PTK2B: variants seen among roughly 807,000 people sequenced by gnomAD.
PTK2B encodes the protein protein-tyrosine kinase 2-beta.
In PTK2B, 71 loss-of-function variants were observed where a neutral mutation model predicts 142.9. The observed-to-expected ratio is 0.50, with a 90% CI of 0.41 to 0.61. The LOEUF (loss-of-function observed/expected upper bound fraction) is 0.61, where lower values mean the gene tolerates loss of function less well. Among genes scored for constraint, PTK2B ranks in the 20% least tolerant of loss-of-function variants. The probability of loss-of-function intolerance (pLI) is 0.00; values close to 1 mark genes in which losing one functional copy is unlikely to be tolerated. For synonymous variants in PTK2B, 519 were observed against 503.4 expected (o/e 1.03, Z -0.42); for missense variants, 1,105 against 1,320.4 (o/e 0.84, Z 2.53).
At chr8:27,365,248 C>T (rs1805951118) in intron 1 of PTK2B, among the ~76,000 whole-genome samples, 1 of 152,248 alleles carries the variant, frequency 6.6e-6, no homozygotes, top group Admixed American at 6.5e-5. Context: ...GTCTCCCCAA[C>T]TTGGCTGTAA....
chr8:27,419,183 C>T (rs1285176132), intron 2 of PTK2B, among the ~76,000 whole-genome samples: 1 of 152,222 alleles, frequency 6.6e-6, no homozygotes, highest in Non-Finnish European at 1.5e-5. Flanking sequence ...AGTCTATTAA[C>T]CTCCGGTTAA....
intron 1 of PTK2B, among the ~76,000 whole-genome samples, chr8:27,369,436 G>A (rs377627520): frequency 3.3e-5 from 5 of 152,102 alleles, no homozygotes; most frequent in South Asian, 2.1e-4. Context: ...TTGGGAGGCC[G>A]AGGAGGGTGG....
chr8:27,339,180 T>C (rs1586109910), intron 1 of PTK2B, among the ~76,000 whole-genome samples: 1 of 152,196 alleles, frequency 6.6e-6, no homozygotes, highest in East Asian at 1.9e-4. Context: ...CATCAAGTGA[T>C]GTGATTGCAG....
chr8:27,373,818 C>G (rs1014367634), intron 1 of PTK2B, among the ~76,000 whole-genome samples: 1 of 151,836 alleles, frequency 6.6e-6, no homozygotes, highest in Non-Finnish European at 1.5e-5. Context: ...AGGAGAGGCC[C>G]TGAGAGAAGA....
Position 27,433,543 on chromosome 8 carries a change from C to A in PTK2B, c.1096C>A (p.Pro366Thr). 1 of 1,613,440 alleles carries A rather than the reference C, an allele frequency of 6.2e-7. No individual in the cohort carries two copies. Among genetic ancestry groups the A allele is most frequent in the Non-Finnish European group, 8.5e-7 (1 of 1,179,366 alleles). The change falls in exon 11 of 31, where the codon CCT becomes ACT. Residue 366 changes from proline to threonine, a missense_variant. Coordinates refer to ENST00000346049, the MANE Select transcript of PTK2B (RefSeq NM_173176.3). ...GEHQGSLIIH[P>T]RKDGEKRNSL... ...GCACCAAGGCTCTCTCATCATCCAT[C>A]CTAGGAAAGGTGGGTTCCATTTAAA...
At chr8:27,433,970 A>C in intron 11 of PTK2B, 123 bp from the exon 12 acceptor site, 1 of 1,305,170 alleles carries the variant, frequency 7.7e-7, no homozygotes, top group Non-Finnish European at 1.1e-6. Flanking sequence ...CCAGGCTAGG[A>C]GAGAATGGAA....
At chr8:27,326,203 G>A (rs1023616940) in intron 1 of PTK2B, among the ~76,000 whole-genome samples, 8 of 149,942 alleles carry the variant, frequency 5.3e-5, no homozygotes, top group African/African-American at 9.9e-5. Flanking sequence ...AGGGTGTTCT[G>A]GGGCACAGGG....
At chr8:27,423,302 G>GTTTCACCATCCCCTGCCT (rs1809875702) in intron 5 of PTK2B, among the ~76,000 whole-genome samples, 1 of 152,138 alleles carries the variant, frequency 6.6e-6, no homozygotes, top group African/African-American at 2.4e-5. Context: ...GCACCATTGA[G>GTTTCACCATCCCCTGCCT]TTTCACCATC....
chr8:27,379,350 C>G (rs941943301), intron 1 of PTK2B, among the ~76,000 whole-genome samples: 1 of 152,208 alleles, frequency 6.6e-6, no homozygotes. Flanking sequence ...CCTCACCCAC[C>G]TGGGTAGCTG....
chr8:27,349,306 T>C (rs1586134686), intron 1 of PTK2B, among the ~76,000 whole-genome samples: 1 of 152,236 alleles, frequency 6.6e-6, no homozygotes, highest in African/African-American at 2.4e-5. Flanking sequence ...CTTTAAGTCT[T>C]AATTTTCTAG....
At chr8:27,421,678 C>T (rs903034826) in intron 4 of PTK2B, among the ~76,000 whole-genome samples, 1 of 152,200 alleles carries the variant, frequency 6.6e-6, no homozygotes. Context: ...GTAAATACCA[C>T]CCCCCTCCTC....
At chr8:27,350,689 G>A (rs1586137433) in intron 1 of PTK2B, among the ~76,000 whole-genome samples, 2 of 151,846 alleles carry the variant, frequency 1.3e-5, no homozygotes, top group Admixed American at 6.6e-5. Context: ...AAAAGTATAG[G>A]TATTTGGGGC....
intron 2 of PTK2B, among the ~76,000 whole-genome samples, chr8:27,414,836 C>T (rs1391199930): frequency 4.6e-5 from 7 of 152,088 alleles, no homozygotes. Flanking sequence ...GTTCTTTGCT[C>T]ACTCCCTGTT....
upstream of PTK2B, among the ~76,000 whole-genome samples, chr8:27,320,903 G>T (rs1803196253): frequency 1.4e-5 from 2 of 144,686 alleles, no homozygotes; most frequent in Non-Finnish European, 3.0e-5. Context: ...TTTTTCTGAT[G>T]ACCAGCCCTC....
intron 2 of PTK2B, among the ~76,000 whole-genome samples, chr8:27,411,875 A>G (rs2131662804): frequency 6.6e-6 from 1 of 152,288 alleles, no homozygotes; most frequent in East Asian, 1.9e-4. Flanking sequence ...CTTCTGACCA[A>G]TTGGCTACAA....
chr8:27,416,064 C>T (rs1281972428), intron 2 of PTK2B, among the ~76,000 whole-genome samples: 1 of 151,980 alleles, frequency 6.6e-6, no homozygotes, highest in Non-Finnish European at 1.5e-5. Flanking sequence ...ATAGCATGAC[C>T]CAAACTCTAT....
rs183389486 is a variant in PTK2B, at chr8:27,403,329, A to G, written c.204+5541A>G. The stretch of plus-strand genomic sequence containing the variant: ...CCCTGAACAGTCCACATGGCAACAC[A>G]TTTCCAAAACATAGTTACTCCATGC... On this transcript the variant is annotated intron_variant, in intron 2 of 30. Coordinates refer to ENST00000346049, the MANE Select transcript of PTK2B (RefSeq NM_173176.3). Among the ~76,000 whole-genome samples, 1,046 of 152,170 alleles carry G rather than the reference A, an allele frequency of 6.9e-3. 14 individuals are homozygous for G. Among genetic ancestry groups the G allele is most frequent in the African/African-American group, 0.024 (1,004 of 41,476 alleles).
chr8:27,362,633 C>T (rs1357410061), intron 1 of PTK2B, among the ~76,000 whole-genome samples: 1 of 151,700 alleles, frequency 6.6e-6, no homozygotes, highest in African/African-American at 2.4e-5. Flanking sequence ...TTCTTTCCCC[C>T]CACCAAGACT....
At chr8:27,354,548 G>C (rs113405663) in intron 1 of PTK2B, among the ~76,000 whole-genome samples, 9 of 152,164 alleles carry the variant, frequency 5.9e-5, no homozygotes, top group Non-Finnish European at 2.9e-5. Context: ...ATTTGCGGCC[G>C]GCAGGTATGT....
Sources: allele counts gnomAD v4.1 joint callset (sites outside exome capture counted in the v4.1 genomes callset), GRCh38; gene constraint gnomAD v4.1.1; transcripts MANE v1.5; gene names NCBI Gene and HGNC (gene_info 2026-07-23, HGNC 2026-07-21).